RNF216: variants seen among roughly 807,000 people sequenced by gnomAD.
RNF216 encodes ring finger protein 216.
In RNF216, 72 loss-of-function variants were observed where a neutral mutation model predicts 110.8. That is an observed-to-expected ratio of 0.65 (90% CI 0.54 to 0.79). The LOEUF (loss-of-function observed/expected upper bound fraction) is 0.79, where lower values mean the gene tolerates loss of function less well. Among genes scored for constraint, RNF216 ranks in the 30% least tolerant of loss-of-function variants. The pLI is 0.00. For synonymous variants in RNF216, 495 were observed against 407.5 expected (o/e 1.21, Z -2.59); for missense variants, 1,342 against 1,141.2 (o/e 1.18, Z -2.54).
intron 1 of RNF216, among the ~76,000 whole-genome samples, chr7:5,771,649 T>A (rs1796499303): frequency 6.6e-6 from 1 of 150,904 alleles, no homozygotes; most frequent in African/African-American, 2.4e-5. Context: ...AGCAAAAAAA[T>A]TTAGCCAGGC....
intron 13 of RNF216, among the ~76,000 whole-genome samples, chr7:5,708,285 C>G (rs1286787286): frequency 6.6e-6 from 1 of 152,184 alleles, no homozygotes; most frequent in African/African-American, 2.4e-5. Flanking sequence ...TGTTTCCTTA[C>G]TAATCTTCTG....
At chr7:5,711,959 T>C in intron 12 of RNF216, 120 bp from the exon 13 acceptor site, 1 of 775,192 alleles carries the variant, frequency 1.3e-6, no homozygotes, top group Non-Finnish European at 2.1e-6. Flanking sequence ...ATCCCCTTTA[T>C]ACTCCTTAGT....
intron 14 of RNF216, among the ~76,000 whole-genome samples, chr7:5,649,168 G>C (rs1024400094): frequency 1.3e-5 from 2 of 152,110 alleles, no homozygotes; most frequent in African/African-American, 2.4e-5. Context: ...GATCACTTGA[G>C]GTCAGGAGTT....
At chr7:5,677,832 G>A (rs1053117788) in intron 13 of RNF216, among the ~76,000 whole-genome samples, 98 of 152,174 alleles carry the variant, frequency 6.4e-4, no homozygotes, top group Admixed American at 6.4e-3. Flanking sequence ...GAATCCAGTA[G>A]AATCAGGGGA....
intron 15 of RNF216, among the ~76,000 whole-genome samples, chr7:5,640,572 T>A (rs1787676933): frequency 6.6e-6 from 1 of 152,220 alleles, no homozygotes; most frequent in East Asian, 1.9e-4. Flanking sequence ...TCTAAAATAC[T>A]GTATTTTTAA....
At chr7:5,754,696 C>A (rs1223854434) in intron 2 of RNF216, among the ~76,000 whole-genome samples, 1 of 151,980 alleles carries the variant, frequency 6.6e-6, no homozygotes, top group East Asian at 1.9e-4. Flanking sequence ...AAGAACTGAC[C>A]CAAGAAAAAG....
At chr7:5,726,234 C>T (rs1027006427) in intron 7 of RNF216, among the ~76,000 whole-genome samples, 1 of 152,140 alleles carries the variant, frequency 6.6e-6, no homozygotes, top group Non-Finnish European at 1.5e-5. Flanking sequence ...CATGATTGCG[C>T]CACTGCACTC....
rs1159657755 is a variant in RNF216 at position 5,620,181 on chromosome 7, A to G, written c.*2679T>C. 6.6e-6 allele frequency: 1 copy of G among 152,262 alleles called. No individual in the cohort carries two copies. The highest frequency in any genetic ancestry group is 2.4e-5 in the African/African-American group (1 of 41,464). 9.4% of individuals were successfully genotyped at this position (152,262 alleles called of 1,614,324 possible). A position where few individuals can be genotyped will look rare whatever the true frequency, so the allele number is the denominator to read the frequency against. Reference sequence around the variant, plus strand: ...GGTAAAGAAAAAGTTTAATGAACTAATCGTTTCTTGTTTTTATACAAAGTG... The same window carrying G: ...GGTAAAGAAAAAGTTTAATGAACTAGTCGTTTCTTGTTTTTATACAAAGTG... On this transcript the variant is annotated 3_prime_UTR_variant, in exon 17 of 17. Coordinates refer to ENST00000389902, the MANE Select transcript of RNF216 (RefSeq NM_207111.4).
intron 5 of RNF216, among the ~76,000 whole-genome samples, chr7:5,734,356 T>C (rs1028121415): frequency 1.3e-5 from 2 of 152,102 alleles, no homozygotes; most frequent in Admixed American, 6.5e-5. Flanking sequence ...CAAAAGACTA[T>C]AGACTATACA....
chr7:5,675,019 ATATAT>A (rs1790187571), intron 13 of RNF216, among the ~76,000 whole-genome samples: 1 of 151,856 alleles, frequency 6.6e-6, no homozygotes, highest in Non-Finnish European at 1.5e-5. Context: ...AACAAACAAT[ATATAT>A]ATATAAAGCA....
chr7:5,768,764 C>G (rs958032282), intron 1 of RNF216, among the ~76,000 whole-genome samples: 2 of 151,432 alleles, frequency 1.3e-5, no homozygotes, highest in Non-Finnish European at 2.9e-5. Context: ...CGGGTTTACG[C>G]CATTCTCCTG....
Position 5,741,721 on chromosome 7 carries a change from G to A in RNF216, c.296C>T (p.Ser99Phe), listed in dbSNP as rs755622565. ...CTTATCTGATTCAAATGCTGCTCTA[G>A]ACTTTTTAGGCCTTTCTTCTCCCAA... is the stretch of plus-strand genomic sequence containing the variant. ...KRLGEERPKK[S>F]RAAFESDKSS... Residue 99 changes from serine (S) to phenylalanine (F), a missense_variant, in exon 4 of 17, where the codon TCT becomes TTT. Physicochemically the swap from Ser to Phe is radical, Grantham distance 155. Coordinates refer to ENST00000389902, the MANE Select transcript of RNF216 (RefSeq NM_207111.4). 1.2e-5 allele frequency: 19 copies of A among 1,614,186 alleles called. No homozygotes were observed. In the South Asian group the frequency reaches 2.1e-4, roughly 18 times the overall value.
intron 2 of RNF216, among the ~76,000 whole-genome samples, chr7:5,755,146 AAAG>A (rs1429002849): frequency 2.3e-5 from 3 of 132,520 alleles, no homozygotes; most frequent in African/African-American, 7.6e-5. Flanking sequence ...GGGAGGAAGG[AAAG>A]AAGGAAGGAG....
At chr7:5,631,016 C>G (rs1186298688) in intron 15 of RNF216, among the ~76,000 whole-genome samples, 3 of 152,124 alleles carry the variant, frequency 2.0e-5, no homozygotes, top group Admixed American at 2.0e-4. Flanking sequence ...TCAGAGGCAA[C>G]TGTTCTAAGG....
At position 5,652,408 on chromosome 7, in the gene RNF216, C is replaced by T; in HGVS notation, c.2159+5G>A. 2 of 1,597,126 alleles carry T rather than the reference C, an allele frequency of 1.3e-6. No homozygotes were observed. The highest frequency in any genetic ancestry group is 1.7e-6 in the Non-Finnish European group (2 of 1,164,656). On this transcript the variant is annotated splice_donor_5th_base_variant and intron_variant, in intron 14 of 16. Coordinates refer to ENST00000389902, the MANE Select transcript of RNF216 (RefSeq NM_207111.4). ...CCCATAGCCCCTCTGAATTCTGTTA[C>T]TCACATAGAGGTACGGTACTTGATG...
At chr7:5,736,576 C>T (rs1306438338) in intron 5 of RNF216, among the ~76,000 whole-genome samples, 3 of 151,826 alleles carry the variant, frequency 2.0e-5, no homozygotes, top group South Asian at 2.1e-4. Context: ...TCTGCCTGGC[C>T]GCCCATCGTC....
chr7:5,703,121 C>T (rs1285067364), intron 13 of RNF216, among the ~76,000 whole-genome samples: 2 of 152,174 alleles, frequency 1.3e-5, no homozygotes, highest in African/African-American at 4.8e-5. Flanking sequence ...TCTCACACCA[C>T]CCTCCTTCAT....
intron 15 of RNF216, among the ~76,000 whole-genome samples, chr7:5,632,043 G>C (rs1284368929): frequency 1.3e-5 from 2 of 152,242 alleles, no homozygotes; most frequent in African/African-American, 4.8e-5. Flanking sequence ...CAGGGCAGGA[G>C]GTCTGGACTT....
At chr7:5,634,205 G>A (rs77900039) in intron 15 of RNF216, among the ~76,000 whole-genome samples, 2,251 of 152,224 alleles carry the variant, frequency 0.015, 48 homozygotes, top group African/African-American at 0.051. Flanking sequence ...CTGTGACCAT[G>A]GGGGAAGAAC....
Sources: allele counts gnomAD v4.1 joint callset (sites outside exome capture counted in the v4.1 genomes callset), GRCh38; gene constraint gnomAD v4.1.1; transcripts MANE v1.5; gene names NCBI Gene and HGNC (gene_info 2026-07-23, HGNC 2026-07-21).